ERICH3: variants seen among roughly 807,000 people sequenced by gnomAD.
The protein encoded by ERICH3 is glutamate rich 3.
In ERICH3, 126 loss-of-function variants were observed where a neutral mutation model predicts 131.1. The observed-to-expected ratio is 0.96, with a 90% CI of 0.83 to 1.11. The LOEUF (loss-of-function observed/expected upper bound fraction) is 1.11. Among genes scored for constraint, ERICH3 ranks in the 50% most tolerant of loss-of-function variants. The pLI is 0.00. For synonymous variants in ERICH3, 695 were observed against 644.6 expected (o/e 1.08, Z -1.18); for missense variants, 2,050 against 1,810.7 (o/e 1.13, Z -2.40).
intron 7 of ERICH3, among the ~76,000 whole-genome samples, chr1:74,626,434 A>G (rs912690437): frequency 6.6e-6 from 1 of 152,212 alleles, no homozygotes; most frequent in Admixed American, 6.5e-5. Flanking sequence ...TTCATGGAAA[A>G]GTCTCAAACT....
rs1462142536 is a variant in ERICH3 at position 74,646,794 on chromosome 1, T to A, written c.118-2A>T. The stretch of plus-strand genomic sequence containing the variant: ...AAGTATTCTTCCACTTCTTGTGATC[T>A]GTCATGAATAAATAAAATATACATA... On this transcript the variant is annotated splice_acceptor_variant, in intron 2 of 14. Coordinates refer to ENST00000326665, the MANE Select transcript of ERICH3 (RefSeq NM_001002912.5). LOFTEE classifies it high-confidence loss of function. 6 of 1,425,294 alleles carry A rather than the reference T, an allele frequency of 4.2e-6. No homozygotes were observed. The East Asian group carries it at 1.5e-4, about 36-fold the overall frequency. 88.3% of individuals were successfully genotyped at this position (1,425,294 alleles called of 1,614,324 possible). A position where few individuals can be genotyped will look rare whatever the true frequency, so the allele number is the denominator to read the frequency against.
At chr1:74,652,463 C>T (rs2100645412) in intron 1 of ERICH3, among the ~76,000 whole-genome samples, 1 of 152,266 alleles carries the variant, frequency 6.6e-6, no homozygotes, top group East Asian at 1.9e-4. Flanking sequence ...CTGACCAACA[C>T]AAACTCAGGT....
At chr1:74,617,305 T>A (rs1253267572) in intron 8 of ERICH3, among the ~76,000 whole-genome samples, 1 of 151,844 alleles carries the variant, frequency 6.6e-6, no homozygotes, top group African/African-American at 2.4e-5. Flanking sequence ...TCAAAAGACA[T>A]GTTAGAAAAA....
chr1:74,655,970 T>C (rs1312839514), intron 1 of ERICH3, among the ~76,000 whole-genome samples: 2 of 152,190 alleles, frequency 1.3e-5, no homozygotes, highest in Non-Finnish European at 2.9e-5. Flanking sequence ...ACTGCATCAC[T>C]GAAAGCTTTC....
chr1:74,642,317 A>T lies in ERICH3; in HGVS notation c.315+710T>A, dbSNP rs543696110. ...TTCTACAGAAGCTTTACAAATATTC[A>T]TCAGTTTGTGAAACGTATCTTAGGC... On this transcript the variant is annotated intron_variant, in intron 4 of 14. Coordinates refer to ENST00000326665, the MANE Select transcript of ERICH3 (RefSeq NM_001002912.5). 2.0e-5 allele frequency among the ~76,000 whole-genome samples: 3 copies of T among 152,294 alleles called. No individual in the cohort carries two copies. The East Asian group carries it at 5.8e-4, about 29-fold the overall frequency.
chr1:74,571,596 C>T lies in ERICH3; in HGVS notation c.4114G>A (p.Ala1372Thr). ...TCTGAAAAGGAGGAGGCTTTATTTG[C>T]TATTGTTTTCTCCTCGGCTGTCTCC... ...GSETAEEKTI[A>T]NKASSFSDVA... The change falls in exon 14 of 15, where the codon GCA becomes ACA. Residue 1372 changes from alanine to threonine, a missense_variant. Coordinates refer to ENST00000326665, the MANE Select transcript of ERICH3 (RefSeq NM_001002912.5). The T allele has an allele frequency of 1.2e-6, 2 of 1,614,142 alleles. No individual in the cohort carries two copies. Among genetic ancestry groups the T allele is most frequent in the Admixed American group, 1.7e-5 (1 of 60,016 alleles).
intron 1 of ERICH3, among the ~76,000 whole-genome samples, chr1:74,655,159 A>G (rs1251187536): frequency 6.6e-6 from 1 of 152,188 alleles, no homozygotes; most frequent in African/African-American, 2.4e-5. Context: ...CCTCAAAAGC[A>G]TACTTGTTTG....
intron 1 of ERICH3, among the ~76,000 whole-genome samples, chr1:74,652,879 T>TG (rs891287911): frequency 3.3e-5 from 5 of 152,008 alleles, no homozygotes; most frequent in Non-Finnish European, 5.9e-5. Flanking sequence ...GGTCACTAGG[T>TG]GGGGGAAAAA....
chr1:74,595,213 A>G (rs1191595926), intron 11 of ERICH3, among the ~76,000 whole-genome samples: 5 of 152,156 alleles, frequency 3.3e-5, no homozygotes, highest in Admixed American at 3.3e-4. Context: ...TGTTTATATT[A>G]TATGTCAGTT....
rs1646450845 is a variant in ERICH3 at position 74,643,116 on chromosome 1, A to C, written c.244-18T>G. On this transcript the variant is annotated intron_variant, in intron 3 of 14. Transcript: ENST00000326665. Reference sequence around the variant, plus strand: ...TGGTAACGCTAAGCATACAGGAAAGAATAAAGGAGAGAATCATATCAGTTA... The same window carrying C: ...TGGTAACGCTAAGCATACAGGAAAGCATAAAGGAGAGAATCATATCAGTTA... 6.3e-7 allele frequency: 1 copy of C among 1,587,070 alleles called. No homozygotes were observed. The highest frequency in any genetic ancestry group is 8.6e-7 in the Non-Finnish European group (1 of 1,161,060).
chr1:74,661,000 G>T (rs988270491), intron 1 of ERICH3, among the ~76,000 whole-genome samples: 1 of 151,858 alleles, frequency 6.6e-6, no homozygotes, highest in African/African-American at 2.4e-5. Flanking sequence ...AAAAAAAGAA[G>T]AAGGAAAGGA....
chr1:74,587,092 G>A (rs1211467551), intron 12 of ERICH3, among the ~76,000 whole-genome samples: 2 of 152,090 alleles, frequency 1.3e-5, no homozygotes, highest in Admixed American at 1.3e-4. Context: ...TTGGGAGACC[G>A]AGGCGGGTGG....
In ERICH3 at chr1:74,571,492, C is replaced by T. The variant is rs1646944979; in HGVS notation, c.4218G>A (p.Glu1406=). Residue 1406 remains glutamate, a synonymous_variant, in exon 14 of 15, where the codon GAG becomes GAA. Coordinates refer to ENST00000326665, the MANE Select transcript of ERICH3 (RefSeq NM_001002912.5). ...KTAAAGKVVV[E]ELARSGEEVP... ...CTTCCTCCCCACTCCGTGCTAATTCCTCTACCACCACCTTCCCTGCAGCTG... is the reference window on the plus strand; with the variant it reads ...CTTCCTCCCCACTCCGTGCTAATTCTTCTACCACCACCTTCCCTGCAGCTG... 6.2e-7 allele frequency: 1 copy of T among 1,614,152 alleles called. No individual in the cohort carries two copies. The highest frequency in any genetic ancestry group is 8.5e-7 in the Non-Finnish European group (1 of 1,180,024).
chr1:74,646,845 T>C, intron 2 of ERICH3, 53 bp from the exon 3 acceptor site: 1 of 1,117,338 alleles, frequency 8.9e-7, no homozygotes, highest in Non-Finnish European at 1.2e-6. Context: ...AAATGTGGTG[T>C]TAGTTTCCAA....
intron 6 of ERICH3, chr1:74,634,735 A>G: frequency 1.4e-6 from 1 of 699,060 alleles, no homozygotes; most frequent in Non-Finnish European, 2.6e-6. Context: ...TTGGACTTTG[A>G]GTATTTCTAG....
At chr1:74,654,205 C>T (rs1487447336) in intron 1 of ERICH3, among the ~76,000 whole-genome samples, 1 of 152,078 alleles carries the variant, frequency 6.6e-6, no homozygotes, top group Non-Finnish European at 1.5e-5. Context: ...AAAATTGCCT[C>T]ATGGCAATCT....
intron 7 of ERICH3, among the ~76,000 whole-genome samples, chr1:74,627,786 C>G (rs1461263016): frequency 6.6e-6 from 1 of 152,000 alleles, no homozygotes; most frequent in South Asian, 2.1e-4. Flanking sequence ...AACTTGAAGA[C>G]AAACTGTATA....
rs1646893375 is a variant in ERICH3, at chr1:74,568,165, A to C, written c.*2293T>G. 6.6e-6 allele frequency: 1 copy of C among 152,140 alleles called. No individual in the cohort carries two copies. The highest frequency in any genetic ancestry group is 6.5e-5 in the Admixed American group (1 of 15,272). The allele number at this position is 152,140 out of a possible 1,614,324, so 9.4% of individuals were successfully genotyped here. On this transcript the variant is annotated 3_prime_UTR_variant, in exon 15 of 15. Coordinates refer to ENST00000326665, the MANE Select transcript of ERICH3 (RefSeq NM_001002912.5). ...TTAATAATGAAGAAACAGGAAACAA[A>C]CCATTTCAGGGGAACATACAAGTAA...
chr1:74,666,332 T>C (rs1321191158), intron 1 of ERICH3, among the ~76,000 whole-genome samples: 2 of 152,150 alleles, frequency 1.3e-5, no homozygotes, highest in African/African-American at 4.8e-5. Context: ...GAAATCTATA[T>C]ATCTACACTC....
Sources: gnomAD v4.1 joint callset for allele counts (sites outside exome capture counted in the v4.1 genomes callset) on GRCh38, gnomAD v4.1.1 for gene constraint, MANE v1.5 for transcripts, NCBI Gene and HGNC (gene_info 2026-07-23, HGNC 2026-07-21) for gene names.